The following PRKN variants were observed in gnomAD, a reference collection of about 807,000 sequenced individuals.
PRKN encodes the protein parkin RBR E3 ubiquitin protein ligase, also known as E3 ubiquitin-protein ligase parkin.
A neutral mutation model predicts 59.5 loss-of-function variants in PRKN; 56 were observed. The observed-to-expected ratio is 0.94, with a 90% CI of 0.76 to 1.18. PRKN has a LOEUF of 1.18. Ranked by LOEUF, PRKN falls within the 50% of genes most tolerant of loss-of-function variation. The pLI, the probability that PRKN is intolerant of heterozygous loss-of-function variation, is 0.00. For synonymous variants in PRKN, 250 were observed against 222.1 expected, an observed-to-expected ratio of 1.13 and a Z score of -1.12; for missense variants, 657 against 596.4, an observed-to-expected ratio of 1.10 and a Z score of -1.06.
At chr6:162,520,659 GC>G (rs1195446071) in intron 1 of PRKN, among the ~76,000 whole-genome samples, 1 of 152,098 alleles carries the variant, frequency 6.6e-6, no homozygotes, top group Non-Finnish European at 1.5e-5. Context: ...TCTTACAATT[GC>G]CTCTGTGTTC....
At chr6:161,734,524 C>G (rs1330960737) in intron 7 of PRKN, among the ~76,000 whole-genome samples, 1 of 152,128 alleles carries the variant, frequency 6.6e-6, no homozygotes, top group Non-Finnish European at 1.5e-5. Flanking sequence ...GACCTTGGTA[C>G]TCAGGCCTGG....
At chr6:161,380,710 A>G (rs1011642275) in intron 10 of PRKN, among the ~76,000 whole-genome samples, 2 of 152,194 alleles carry the variant, frequency 1.3e-5, no homozygotes, top group Non-Finnish European at 2.9e-5. Context: ...GTGTAACACA[A>G]CGTTGCAGCC....
At chr6:161,768,274 G>A (rs542408460) in intron 7 of PRKN, among the ~76,000 whole-genome samples, 96 of 152,266 alleles carry the variant, frequency 6.3e-4, no homozygotes, top group Admixed American at 1.2e-3. Flanking sequence ...GAAAATATTA[G>A]TGCATCACAT....
chr6:162,062,137 T>C (rs1778129231), intron 4 of PRKN, among the ~76,000 whole-genome samples: 1 of 152,210 alleles, frequency 6.6e-6, no homozygotes, highest in Admixed American at 6.5e-5. Flanking sequence ...ATTTTATTCA[T>C]AGCAAATGTA....
intron 2 of PRKN, among the ~76,000 whole-genome samples, chr6:162,392,276 GTCCTCATGGA>G (rs1405865243): frequency 1.3e-5 from 2 of 152,132 alleles, no homozygotes; most frequent in Non-Finnish European, 2.9e-5. Flanking sequence ...TCCTGATATA[GTCCTCATGGA>G]GACCACACAG....
intron 7 of PRKN, among the ~76,000 whole-genome samples, chr6:161,587,005 T>C (rs1376559736): frequency 6.6e-6 from 1 of 152,214 alleles, no homozygotes; most frequent in African/African-American, 2.4e-5. Context: ...TAATTTTCAC[T>C]GCCTTGTTTT....
intron 4 of PRKN, among the ~76,000 whole-genome samples, chr6:162,058,830 T>C (rs532959518): frequency 6.6e-6 from 1 of 151,942 alleles, no homozygotes; most frequent in South Asian, 2.1e-4. Context: ...CGGGTGCCTG[T>C]AATCTCAGCT....
At chr6:162,437,164 C>T (rs573743933) in intron 2 of PRKN, among the ~76,000 whole-genome samples, 2 of 152,140 alleles carry the variant, frequency 1.3e-5, no homozygotes, top group African/African-American at 2.4e-5. Flanking sequence ...TTTTACTCAC[C>T]CTGTACTCTT....
In PRKN at chr6:162,196,100, C is replaced by T. The variant is rs117034716; in HGVS notation, c.534+5031G>A. On this transcript the variant is annotated intron_variant, in intron 4 of 11. Coordinates refer to ENST00000366898, the MANE Select transcript of PRKN (RefSeq NM_004562.3). ...AGGCACAAGTCAGTTGAAATATGGGCTATGGCCAAGACAATGATAGTAGCA... is the reference window on the plus strand; with the variant it reads ...AGGCACAAGTCAGTTGAAATATGGGTTATGGCCAAGACAATGATAGTAGCA... 5.7e-3 allele frequency among the ~76,000 whole-genome samples: 862 copies of T among 152,266 alleles called. 5 individuals are homozygous for T. The highest frequency in any genetic ancestry group is 9.8e-3 in the Non-Finnish European group (668 of 68,024).
At chr6:161,610,215 C>T (rs893726934) in intron 7 of PRKN, among the ~76,000 whole-genome samples, 3 of 152,030 alleles carry the variant, frequency 2.0e-5, no homozygotes, top group South Asian at 2.1e-4. Context: ...ACTTGCCCAG[C>T]GTTGCATGGG....
intron 7 of PRKN, among the ~76,000 whole-genome samples, chr6:161,751,287 TC>T (rs796755866): frequency 2.6e-5 from 4 of 152,322 alleles, no homozygotes; most frequent in African/African-American, 9.6e-5. Context: ...TTTGGTTTCC[TC>T]CAAGTAGAAA....
chr6:162,589,620 G>A (rs1323634174), intron 1 of PRKN, among the ~76,000 whole-genome samples: 1 of 151,876 alleles, frequency 6.6e-6, no homozygotes, highest in Non-Finnish European at 1.5e-5. Flanking sequence ...ATCTTTTCAT[G>A]GTGTAACCGA....
rs1784969280 is a variant in PRKN at position 161,361,353 on chromosome 6, G to A, written c.1168-1148C>T. 6.6e-6 allele frequency among the ~76,000 whole-genome samples: 1 copy of A among 152,172 alleles called. No individual in the cohort carries two copies. Among genetic ancestry groups the A allele is most frequent in the Admixed American group, 6.5e-5 (1 of 15,272 alleles). On this transcript the variant is annotated intron_variant, in intron 10 of 11. Transcript: ENST00000366898. This position sits in a 1 kb window ranked among gnomAD's most constrained non-coding sequence, Gnocchi z 5.2. ...TTTCTGTGGAAAGTCAATTCTTCCA[G>A]AGCCAAGATCACATTTGAGACATCC...
At chr6:161,804,500 T>TGAACTGCCTCTGCCTC (rs1316697203) in intron 6 of PRKN, among the ~76,000 whole-genome samples, 1 of 152,150 alleles carries the variant, frequency 6.6e-6, no homozygotes. Flanking sequence ...GAACTCCCTC[T>TGAACTGCCTCTGCCTC]CCATCCCCTT....
intron 7 of PRKN, among the ~76,000 whole-genome samples, chr6:161,621,856 C>T (rs932938951): frequency 6.6e-6 from 1 of 152,280 alleles, no homozygotes. Context: ...GCCACCCACA[C>T]TCACTCCTAG....
intron 6 of PRKN, among the ~76,000 whole-genome samples, chr6:161,955,646 T>C (rs1780143843): frequency 6.6e-6 from 1 of 151,628 alleles, no homozygotes; most frequent in Non-Finnish European, 1.5e-5. Context: ...AGGTCAGGAG[T>C]TTGAGACCAG....
At chr6:162,264,388 A>G (rs944070955) in intron 2 of PRKN, among the ~76,000 whole-genome samples, 3 of 152,176 alleles carry the variant, frequency 2.0e-5, no homozygotes, top group African/African-American at 7.2e-5. Flanking sequence ...AAATGCATCC[A>G]TAACTCATAG....
intron 9 of PRKN, among the ~76,000 whole-genome samples, chr6:161,517,720 A>G (rs930141029): frequency 1.9e-4 from 23 of 119,716 alleles, no homozygotes; most frequent in African/African-American, 7.2e-4. Flanking sequence ...AGCCTGGGTG[A>G]CAGAGTGAGA....
intron 1 of PRKN, among the ~76,000 whole-genome samples, chr6:162,667,970 C>T (rs1447623523): frequency 6.6e-6 from 1 of 152,092 alleles, no homozygotes; most frequent in Admixed American, 6.6e-5. Context: ...AGCACAATTA[C>T]TTATTTTCAA....
Sources: allele counts gnomAD v4.1 joint callset (sites outside exome capture counted in the v4.1 genomes callset), GRCh38; gene constraint gnomAD v4.1.1; non-coding constraint Gnocchi (gnomAD v3.1); transcripts MANE v1.5; gene names NCBI Gene and HGNC (gene_info 2026-07-23, HGNC 2026-07-21).